NOTUM: variants seen among roughly 807,000 people sequenced by gnomAD.
NOTUM encodes palmitoleoyl-protein carboxylesterase NOTUM.
A neutral mutation model predicts 65.5 loss-of-function variants in NOTUM; 36 were observed. The observed-to-expected ratio is 0.55, with a 90% CI of 0.42 to 0.73. The LOEUF (loss-of-function observed/expected upper bound fraction) is 0.73. Among genes scored for constraint, NOTUM ranks in the 30% least tolerant of loss-of-function variants. The pLI is 0.00. For missense variants in NOTUM, 659 were observed against 694.2 expected (o/e 0.95, Z 0.57); for synonymous variants, 356 against 297.9 (o/e 1.20, Z -2.01).
intron 4 of NOTUM, 53 bp downstream of exon 4, chr17:81,958,882 G>A: frequency 2.8e-6 from 4 of 1,420,532 alleles, no homozygotes; most frequent in Non-Finnish European, 4.0e-6. Flanking sequence ...GGACCCCCCG[G>A]GAAGAACCAC....
In NOTUM at chr17:81,956,718, C is replaced by A. The variant is rs1032662187; in HGVS notation, c.920G>T (p.Arg307Leu). 1.2e-6 allele frequency: 2 copies of A among 1,612,788 alleles called. No individual in the cohort carries two copies. Among genetic ancestry groups the A allele is most frequent in the Non-Finnish European group, 1.7e-6 (2 of 1,179,890 alleles). ...YWNGVVPERC[R>L]RQFQEGEEWN... Reference sequence around the variant, plus strand: ...CTCCTCGCCCTCCTGGAACTGGCGTCGGCAGCGCTCCGGGACCACCCCGTT... The same window carrying A: ...CTCCTCGCCCTCCTGGAACTGGCGTAGGCAGCGCTCCGGGACCACCCCGTT... Residue 307 changes from arginine (R) to leucine (L), a missense_variant, in exon 8 of 11, where the codon CGA becomes CTA. By Grantham distance (102) the Arg-to-Leu change is moderately radical. Coordinates refer to ENST00000409678, the MANE Select transcript of NOTUM (RefSeq NM_178493.6).
At chr17:81,958,444 C>T (rs760467783) in intron 4 of NOTUM, 51 bp from the exon 5 acceptor site, 5 of 1,303,404 alleles carry the variant, frequency 3.8e-6, no homozygotes, top group Non-Finnish European at 5.5e-6. Context: ...GCCCGGCAGC[C>T]TCCAGAAAGG....
chr17:81,954,341 C>T (rs768032513), intron 9 of NOTUM, 38 bp from the exon 10 acceptor site: 56 of 1,530,882 alleles, frequency 3.7e-5, no homozygotes, highest in Non-Finnish European at 4.8e-5. Flanking sequence ...AGCTCCTTAC[C>T]CCCTCAGCCC....
intron 7 of NOTUM, 29 bp from the exon 8 acceptor site, chr17:81,956,779 C>G (rs764271317): frequency 3.1e-6 from 5 of 1,602,224 alleles, no homozygotes; most frequent in African/African-American, 1.3e-5. Flanking sequence ...GTTAGGCTGC[C>G]GTGGGTCTCG....
At chr17:81,959,119 T>C (rs2041455120) in intron 3 of NOTUM, 124 bp from the exon 4 acceptor site, 1 of 817,428 alleles carries the variant, frequency 1.2e-6, no homozygotes, top group African/African-American at 1.7e-5. Context: ...CTGGTGTTGC[T>C]AGCCCGAACC....
rs578160250 is a variant in NOTUM, at chr17:81,960,926, G to A, written c.-17C>T. 4 of 1,222,362 alleles carry A rather than the reference G, an allele frequency of 3.3e-6. No homozygotes were observed. Among genetic ancestry groups the A allele is most frequent in the Non-Finnish European group, 4.1e-6 (4 of 981,374 alleles). 75.7% of individuals were successfully genotyped at this position (1,222,362 alleles called of 1,614,324 possible). ...TCGGCCCATGGCCGCGTCCACCTGC[G>A]GGGAGCGGGCGGCCTTGAGGCGGCG... On this transcript the variant is annotated 5_prime_UTR_variant, in exon 1 of 11. Transcript: ENST00000409678. The surrounding 1 kb of genome is among the most constrained non-coding windows in gnomAD (Gnocchi z 6.4).
Position 81,959,033 on chromosome 17 carries a change from G to A in NOTUM, c.473-38C>T, listed in dbSNP as rs1434043002. Reference sequence around the variant, plus strand: ...AGGCGGTGGGTCTTTCTAGCGGGAGGAGGCTGTGTAGGGTCGGGTCTGGGA... The same window carrying A: ...AGGCGGTGGGTCTTTCTAGCGGGAGAAGGCTGTGTAGGGTCGGGTCTGGGA... On this transcript the variant is annotated intron_variant, in intron 3 of 10. Coordinates refer to ENST00000409678, the MANE Select transcript of NOTUM (RefSeq NM_178493.6). 5.0e-6 allele frequency: 8 copies of A among 1,588,490 alleles called. 1 individual carries two copies. Among genetic ancestry groups the A allele is most frequent in the East Asian group, 4.5e-5 (2 of 44,776 alleles).
chr17:81,955,270 T>C (rs1246170604), intron 9 of NOTUM, 127 bp downstream of exon 9: 3 of 844,186 alleles, frequency 3.6e-6, no homozygotes, highest in African/African-American at 1.7e-5. Flanking sequence ...TGTGAGTCAC[T>C]GCGCCCGGCC....
chr17:81,955,246 G>T (rs907452931), intron 9 of NOTUM, 151 bp downstream of exon 9: 1 of 686,150 alleles, frequency 1.5e-6, no homozygotes, highest in Non-Finnish European at 2.4e-6. Context: ...CTCCCAAAGT[G>T]CTGGGATTAT....
In NOTUM at chr17:81,956,922, A is replaced by T; in HGVS notation, c.848T>A (p.Ile283Asn). Residue 283 changes from isoleucine to asparagine, a missense_variant, in exon 7 of 11, where the codon ATC becomes AAC. Transcript: ENST00000409678. Reference sequence around the variant, plus strand: ...GATGGCCTCCGTGGGCGCGCACGTGATCGTGTCGACGCAGTCTGTGTGGCG... The same window carrying T: ...GATGGCCTCCGTGGGCGCGCACGTGTTCGTGTCGACGCAGTCTGTGTGGCG... ...QYRHTDCVDT[I>N]TCAPTEAIRR... 2 of 1,612,654 alleles carry T rather than the reference A, an allele frequency of 1.2e-6. No homozygotes were observed. The highest frequency in any genetic ancestry group is 1.7e-6 in the Non-Finnish European group (2 of 1,179,896).
Position 81,956,762 on chromosome 17 carries a change from G to A in NOTUM, c.888-12C>T. ...CCCCGTTCCAGTACCTGGAGCCACAGCCACAGGTTAGGCTGCCGTGGGTCT... is the reference window on the plus strand; with the variant it reads ...CCCCGTTCCAGTACCTGGAGCCACAACCACAGGTTAGGCTGCCGTGGGTCT... On this transcript the variant is annotated splice_polypyrimidine_tract_variant and intron_variant, in intron 7 of 10. Transcript: ENST00000409678. The A allele has an allele frequency of 6.2e-7, 1 of 1,610,304 alleles. No homozygotes were observed. The highest frequency in any genetic ancestry group is 8.5e-7 in the Non-Finnish European group (1 of 1,177,958).
chr17:81,958,293 C>G, intron 5 of NOTUM, 42 bp downstream of exon 5: 6 of 1,415,466 alleles, frequency 4.2e-6, no homozygotes, highest in Non-Finnish European at 6.0e-6. Context: ...GCCATCCGGC[C>G]CCGTCCCTGC....
In NOTUM at chr17:81,960,523, G is replaced by A. The variant is rs548643301; in HGVS notation, c.323+64C>T. On this transcript the variant is annotated intron_variant, in intron 1 of 10. Transcript: ENST00000409678. This position sits in a 1 kb window ranked among gnomAD's most constrained non-coding sequence, Gnocchi z 6.4. Reference sequence around the variant, plus strand: ...GGGAGAGAACGGCCGCGGCCCGCAGGGAAGGTCCAGCCGGAGACCGGGCGC... The same window carrying A: ...GGGAGAGAACGGCCGCGGCCCGCAGAGAAGGTCCAGCCGGAGACCGGGCGC... 6 of 1,198,194 alleles carry A rather than the reference G, an allele frequency of 5.0e-6. No homozygotes were observed. In the East Asian group the frequency reaches 1.1e-4, roughly 23 times the overall value. 74.2% of individuals were successfully genotyped at this position (1,198,194 alleles called of 1,614,324 possible). A position where few individuals can be genotyped will look rare whatever the true frequency, so the allele number is the denominator to read the frequency against.
At position 81,961,010 on chromosome 17, in the gene NOTUM, G is replaced by A. The variant is rs1270788575; in HGVS notation, c.-101C>T. The A allele has an allele frequency of 6.0e-6, 3 of 498,166 alleles. No homozygotes were observed. The highest frequency in any genetic ancestry group is 1.1e-4 in the Admixed American group (2 of 18,712). 30.9% of individuals were successfully genotyped at this position (498,166 alleles called of 1,614,324 possible). Reference sequence around the variant, plus strand: ...CCGGGCCGGGGGTGTCGGGGGCACTGGCCGCTCCTGCTCCCTCGCCCCCGC... The same window carrying A: ...CCGGGCCGGGGGTGTCGGGGGCACTAGCCGCTCCTGCTCCCTCGCCCCCGC... On this transcript the variant is annotated 5_prime_UTR_variant, in exon 1 of 11. Coordinates refer to ENST00000409678, the MANE Select transcript of NOTUM (RefSeq NM_178493.6).
chr17:81,957,306 C>G (rs1169717036), intron 6 of NOTUM, among the ~76,000 whole-genome samples: 1 of 152,190 alleles, frequency 6.6e-6, no homozygotes, highest in Admixed American at 6.5e-5. Flanking sequence ...AGGCTCTCCC[C>G]TTCCTCCTCC....
In NOTUM at chr17:81,952,977, A is replaced by G. The variant is rs533655700; in HGVS notation, c.1475T>C (p.Leu492Pro). 1.9e-6 allele frequency: 3 copies of G among 1,613,836 alleles called. No homozygotes were observed. The highest frequency in any genetic ancestry group is 2.2e-5 in the South Asian group (2 of 91,072). ...ACAGTCTGCCTAGCTTCCGTTGCTC[A>G]GCATCCCCAGCAGCTCACTGGGCTC... ...GLEPSELLGM[L>P]SNGS The change falls in exon 11 of 11, where the codon CTG (leucine) becomes CCG (proline). Residue 492 changes from leucine to proline, a missense_variant. Coordinates refer to ENST00000409678, the MANE Select transcript of NOTUM (RefSeq NM_178493.6).
chr17:81,956,016 G>C (rs1285436568), intron 8 of NOTUM, among the ~76,000 whole-genome samples: 1 of 152,072 alleles, frequency 6.6e-6, no homozygotes, highest in Non-Finnish European at 1.5e-5. Context: ...TCTCCCCAGG[G>C]GTGTCAGTCA....
intron 10 of NOTUM, among the ~76,000 whole-genome samples, chr17:81,953,772 CTT>C (rs35740276): frequency 6.8e-4 from 96 of 141,530 alleles, no homozygotes; most frequent in African/African-American, 9.5e-4. Flanking sequence ...CAGCCTGAGT[CTT>C]TTTTTTTTTT....
At position 81,956,939 on chromosome 17, in the gene NOTUM, T is replaced by C; in HGVS notation, c.831A>G (p.Thr277=). 1.2e-6 allele frequency: 2 copies of C among 1,613,236 alleles called. No individual in the cohort carries two copies. Among genetic ancestry groups the C allele is most frequent in the African/African-American group, 1.3e-5 (1 of 75,050 alleles). Residue 277 remains threonine (T), a synonymous_variant, in exon 7 of 11, where the codon ACA becomes ACG. Transcript: ENST00000409678. ...CGCACGTGATCGTGTCGACGCAGTC[T>C]GTGTGGCGATACTGCTTGTTGTCCA... is the stretch of plus-strand genomic sequence containing the variant. ...WFLDNKQYRH[T]DCVDTITCAP... is the part of the protein sequence containing the mutation.
Sources: allele counts gnomAD v4.1 joint callset (sites outside exome capture counted in the v4.1 genomes callset), GRCh38; gene constraint gnomAD v4.1.1; non-coding constraint Gnocchi (gnomAD v3.1); transcripts MANE v1.5; gene names NCBI Gene and HGNC (gene_info 2026-07-23, HGNC 2026-07-21).